EIF4G1: variants seen among roughly 807,000 people sequenced by gnomAD.
EIF4G1 encodes eukaryotic translation initiation factor 4 gamma 1.
Under a neutral mutation model 187.8 loss-of-function variants are expected in EIF4G1, and 4 were observed. The ratio of observed to expected loss-of-function variants is 0.02; its 90% CI spans 0.01 to 0.05. The LOEUF (loss-of-function observed/expected upper bound fraction) is 0.05, where lower values mean the gene tolerates loss of function less well. Among genes scored for constraint, EIF4G1 ranks in the 10% least tolerant of loss-of-function variants. The pLI is 1.00. For missense variants in EIF4G1, 1,647 were observed against 2,081.1 expected (o/e 0.79, Z 4.06); for synonymous variants, 844 against 781.4 (o/e 1.08, Z -1.34).
chr3:184,328,272 A>G (rs538330844), intron 26 of EIF4G1: 2 of 493,314 alleles, frequency 4.1e-6, no homozygotes, highest in South Asian at 2.0e-5. Context: ...TGGCACAGTA[A>G]TCCCAGCTAC....
Position 184,324,392 on chromosome 3 carries a change from TC to T in EIF4G1, c.2619+48del, listed in dbSNP as rs770440655. 1.4e-5 allele frequency: 23 copies of T among 1,613,584 alleles called. No homozygotes were observed. The African/African-American group carries it at 2.4e-4, about 17-fold the overall frequency. On this transcript the variant is annotated intron_variant, in intron 17 of 32. Transcript: ENST00000346169. Reference sequence around the variant, plus strand: ...CGATTCCACTCACCACTTACCTCCTTCCCTTACCCAGATGCTACTCAGCTGT... The same window carrying T: ...CGATTCCACTCACCACTTACCTCCTTCCTTACCCAGATGCTACTCAGCTGT...
chr3:184,315,460 A>G (rs752980176), intron 1 of EIF4G1, 29 bp from the exon 2 acceptor site: 35 of 595,580 alleles, frequency 5.9e-5, no homozygotes, highest in African/African-American at 5.7e-4. Flanking sequence ...CCGCGGAGCC[A>G]GGTTGATACC....
rs1219502808 is a variant in EIF4G1, at chr3:184,331,976, T to G, written c.4508T>G (p.Val1503Gly). The G allele has an allele frequency of 6.2e-7, 1 of 1,614,186 alleles. No homozygotes were observed. The highest frequency in any genetic ancestry group is 1.1e-5 in the South Asian group (1 of 91,088). The change falls in exon 32 of 33, where the codon GTG becomes GGG. Residue 1503 changes from valine (V) to glycine (G), a missense_variant. Val to Gly is a moderately radical substitution (Grantham distance 109, BLOSUM62 -3). This residue lies in a region of EIF4G1 where 543 missense variants were observed against 638.0 expected (regional missense o/e 0.85). Coordinates refer to ENST00000346169, the MANE Select transcript of EIF4G1 (RefSeq NM_198241.3). Reference protein sequence around the residue: ...FETPLRVDVAVLKARAKLLQK... With the variant: ...FETPLRVDVAGLKARAKLLQK... ...ACTCCCCTCCGAGTGGACGTTGCAG[T>G]GCTGAAAGCGCGAGCGAAGCTGCTG...
rs1365296597 is a variant in EIF4G1, at chr3:184,328,552, G to C, written c.3954-79G>C. 2.5e-6 allele frequency: 4 copies of C among 1,602,234 alleles called. No homozygotes were observed. In the East Asian group the frequency reaches 6.7e-5, roughly 27 times the overall value. ...TGTTCCTGGGGGTTCCATAGTTGAT[G>C]CCCTAGCCATGCCACGTTGCCCCAG... On this transcript the variant is annotated intron_variant, in intron 26 of 32. Coordinates refer to ENST00000346169, the MANE Select transcript of EIF4G1 (RefSeq NM_198241.3).
At chr3:184,314,976 C>T (rs1722460951) in intron 1 of EIF4G1, among the ~76,000 whole-genome samples, 2 of 151,346 alleles carry the variant, frequency 1.3e-5, no homozygotes, top group Admixed American at 1.3e-4. Context: ...GGAGGCCCGG[C>T]AGCCCACGGG....
intron 28 of EIF4G1, 52 bp downstream of exon 28, chr3:184,329,042 G>A: frequency 6.2e-7 from 1 of 1,602,248 alleles, no homozygotes; most frequent in Non-Finnish European, 8.5e-7. Flanking sequence ...GGTTTTGGCT[G>A]TTTGCTGTGG....
Position 184,321,737 on chromosome 3 carries a change from G to A in EIF4G1, c.1153G>A (p.Ala385Thr). ...ESSPELAPPP[A>T]CPSESPVPIA... is the part of the protein sequence containing the mutation. ...AAGCCCAGAGCTTGCTCCTCCCCCA[G>A]CTTGCCCCTCCGAATCCCCTGTGCC... The change falls in exon 10 of 33, where the codon GCT (alanine) becomes ACT (threonine). Residue 385 changes from alanine (A) to threonine (T), a missense_variant. Ala to Thr is a moderately conservative substitution (Grantham distance 58). This residue lies in a region of EIF4G1 where 522 missense variants were observed against 485.2 expected (regional missense o/e 1.08). Transcript: ENST00000346169. 1 of 1,598,810 alleles carries A rather than the reference G, an allele frequency of 6.3e-7. No homozygotes were observed. The highest frequency in any genetic ancestry group is 8.5e-7 in the Non-Finnish European group (1 of 1,170,030).
At chr3:184,321,226 A>G in intron 9 of EIF4G1, 56 bp from the exon 10 acceptor site, 1 of 1,606,482 alleles carries the variant, frequency 6.2e-7, no homozygotes, top group Non-Finnish European at 8.5e-7. Context: ...ATGGGGAGGA[A>G]CAACAGCAGT....
rs958736570 is a variant in EIF4G1 at position 184,332,057 on chromosome 3, C to G, written c.4589C>G (p.Ala1530Gly). The change falls in exon 32 of 33, where the codon GCC becomes GGC. Residue 1530 changes from alanine to glycine, a missense_variant. By Grantham distance (60) the Ala-to-Gly change is moderately conservative. Coordinates refer to ENST00000346169, the MANE Select transcript of EIF4G1 (RefSeq NM_198241.3). ...KELQALYALQ[A>G]LVVTLEQPPN... Reference sequence around the variant, plus strand: ...CTACAGGCGCTCTACGCCCTCCAGGCCCTTGTAGTGACCTTAGAACAGCCT... The same window carrying G: ...CTACAGGCGCTCTACGCCCTCCAGGGCCTTGTAGTGACCTTAGAACAGCCT... 6.2e-7 allele frequency: 1 copy of G among 1,614,192 alleles called. No individual in the cohort carries two copies. The highest frequency in any genetic ancestry group is 1.7e-5 in the Admixed American group (1 of 60,024).
At chr3:184,332,143 C>T (rs1726232064) in intron 32 of EIF4G1, 57 bp downstream of exon 32, 1 of 1,612,074 alleles carries the variant, frequency 6.2e-7, no homozygotes, top group Non-Finnish European at 8.5e-7. Context: ...GATAGCAGGG[C>T]ATGAGACCCT....
intron 16 of EIF4G1, 72 bp downstream of exon 16, chr3:184,324,049 G>T: frequency 6.2e-7 from 1 of 1,608,446 alleles, no homozygotes; most frequent in South Asian, 1.1e-5. Context: ...CTTGAGTCCA[G>T]CTTCTTGGTT....
Position 184,325,388 on chromosome 3 carries a change from C to T in EIF4G1, c.2961+15C>T, listed in dbSNP as rs748661796. The T allele has an allele frequency of 6.2e-7, 1 of 1,614,148 alleles. No individual in the cohort carries two copies. The highest frequency in any genetic ancestry group is 1.1e-5 in the South Asian group (1 of 91,076). On this transcript the variant is annotated intron_variant, in intron 19 of 32. Transcript: ENST00000346169. This position sits in a 1 kb window ranked among gnomAD's most constrained non-coding sequence, Gnocchi z 5.2. ...ATCTGCGAGGGGTGTGTGTCCCCCTCCTCCCCACTGCCAGCCTGCTGCCTC... is the reference window on the plus strand; with the variant it reads ...ATCTGCGAGGGGTGTGTGTCCCCCTTCTCCCCACTGCCAGCCTGCTGCCTC...
At chr3:184,314,973 C>G (rs1722459515) in intron 1 of EIF4G1, among the ~76,000 whole-genome samples, 1 of 151,038 alleles carries the variant, frequency 6.6e-6, no homozygotes, top group Admixed American at 6.6e-5. Flanking sequence ...CGAGGAGGCC[C>G]GGCAGCCCAC....
In EIF4G1 at chr3:184,320,713, C is replaced by T. The variant is rs756992519; in HGVS notation, c.621C>T (p.Thr207=). 20 of 1,614,056 alleles carry T rather than the reference C, an allele frequency of 1.2e-5. No individual in the cohort carries two copies. The highest frequency in any genetic ancestry group is 2.5e-6 in the Non-Finnish European group (3 of 1,180,042). ...MSGARTASTP[T]PPQTGGGLEP... ...GGGCCCGCACTGCCTCCACACCCAC[C>T]CCTCCCCAGGTACTGTCTGCTTTTC... The change falls in exon 8 of 33, where the codon ACC becomes ACT. Residue 207 remains threonine (T), a synonymous_variant. Coordinates refer to ENST00000346169, the MANE Select transcript of EIF4G1 (RefSeq NM_198241.3).
rs558896588 is a variant in EIF4G1 at position 184,317,913 on chromosome 3, C to T, written c.424+97C>T. The T allele has an allele frequency of 1.8e-5, 17 of 921,980 alleles. No individual in the cohort carries two copies. In the African/African-American group the frequency reaches 2.4e-4, roughly 13 times the overall value. 57.1% of individuals were successfully genotyped at this position (921,980 alleles called of 1,614,324 possible). A position where few individuals can be genotyped will look rare whatever the true frequency, so the allele number is the denominator to read the frequency against. ...AGCAGAAGACCCTTCCCAGGCTTGG[C>T]TTCTGGTCTAAAAATGATAAGGTTA... On this transcript the variant is annotated intron_variant, in intron 6 of 32. Coordinates refer to ENST00000346169, the MANE Select transcript of EIF4G1 (RefSeq NM_198241.3).
rs184078840 is a variant in EIF4G1, at chr3:184,325,825, C to T, written c.3122-26C>T. On this transcript the variant is annotated intron_variant, in intron 20 of 32. Transcript: ENST00000346169. The surrounding 1 kb of genome is among the most constrained non-coding windows in gnomAD (Gnocchi z 5.2). ...GGGCTGCTAGGATTTATTCATTATT[C>T]CAGTATGCCCCTCTTTTTGTGTCAG... 1.0e-4 allele frequency: 166 copies of T among 1,613,888 alleles called. No individual in the cohort carries two copies. In the African/African-American group the frequency reaches 1.6e-3, roughly 15 times the overall value.
chr3:184,318,053 G>A (rs1723089842), intron 6 of EIF4G1, among the ~76,000 whole-genome samples: 2 of 152,190 alleles, frequency 1.3e-5, no homozygotes, highest in Non-Finnish European at 1.5e-5. Context: ...TGTAGGATCA[G>A]GCACCAGCCT....
chr3:184,324,740 C>T (rs745357572), intron 17 of EIF4G1, 138 bp from the exon 18 acceptor site: 7 of 941,216 alleles, frequency 7.4e-6, no homozygotes, highest in South Asian at 2.6e-5. Context: ...GATGGGATTA[C>T]AGGCATGAGC....
chr3:184,319,161 C>G (rs1482592218), intron 6 of EIF4G1: 1 of 153,204 alleles, frequency 6.5e-6, no homozygotes. Context: ...TCATCTTGAG[C>G]CTAGTTCATA....
Sources: gnomAD v4.1 joint callset for allele counts (sites outside exome capture counted in the v4.1 genomes callset) on GRCh38, gnomAD v4.1.1 for gene constraint, gnomAD v4.1.1 regional missense constraint, Gnocchi (gnomAD v3.1) non-coding constraint, MANE v1.5 for transcripts, NCBI Gene and HGNC (gene_info 2026-07-23, HGNC 2026-07-21) for gene names.